Variants in PGRMC2 observed in about 807,000 individuals in gnomAD.
PGRMC2 encodes membrane-associated progesterone receptor component 2.
PGRMC2 carries 9 observed loss-of-function variants against 19.3 expected under a neutral mutation model. That is an observed-to-expected ratio of 0.47 (90% CI 0.28 to 0.81). PGRMC2 has a LOEUF of 0.81. Ranked by LOEUF, PGRMC2 falls within the 40% of genes least tolerant of loss-of-function variation. PGRMC2 has a pLI of 0.11. For missense variants in PGRMC2, 289 were observed against 297.3 expected (o/e 0.97, Z 0.21); for synonymous variants, 157 against 124.6 (o/e 1.26, Z -1.73).
rs1039665360 is a variant in PGRMC2, at chr4:128,287,428, G to A, written c.363C>T (p.Leu121=). The change falls in exon 1 of 3, where the codon CTC becomes CTT. Residue 121 remains leucine, a synonymous_variant. Coordinates refer to ENST00000296425, the MANE Select transcript of PGRMC2 (RefSeq NM_006320.6). ...YDGSRNPRIL[L]AVNGKVFDVT... ...CGTCGAAGACTTTCCCATTGACCGC[G>A]AGCAGGATGCGCGGGTTGCGGGAGC... 6 of 1,612,896 alleles carry A rather than the reference G, an allele frequency of 3.7e-6. No homozygotes were observed. The highest frequency in any genetic ancestry group is 5.1e-6 in the Non-Finnish European group (6 of 1,179,244).
chr4:128,286,321 T>C (rs1760983264), intron 1 of PGRMC2, among the ~76,000 whole-genome samples: 1 of 152,072 alleles, frequency 6.6e-6, no homozygotes, highest in Admixed American at 6.5e-5. Flanking sequence ...CTCAACTGTA[T>C]GATATACCAA....
intron 1 of PGRMC2, among the ~76,000 whole-genome samples, chr4:128,279,428 G>T (rs1385344724): frequency 6.6e-6 from 1 of 152,122 alleles, no homozygotes; most frequent in African/African-American, 2.4e-5. Flanking sequence ...TGAGAAACAG[G>T]CATTTTCATC....
At chr4:128,275,725 AT>A (rs1227607808) in intron 1 of PGRMC2, among the ~76,000 whole-genome samples, 1 of 151,950 alleles carries the variant, frequency 6.6e-6, no homozygotes, top group Non-Finnish European at 1.5e-5. Flanking sequence ...CATTAAAAAA[AT>A]TTTTTTTGTT....
intron 1 of PGRMC2, chr4:128,286,660 T>C (rs1760987462): frequency 5.0e-6 from 2 of 398,396 alleles, no homozygotes; most frequent in Admixed American, 4.4e-5. Context: ...TCAAGGTGAA[T>C]ATCCTTACCA....
chr4:128,286,574 T>G (rs1056587664), intron 1 of PGRMC2: 7 of 398,068 alleles, frequency 1.8e-5, no homozygotes, highest in Non-Finnish European at 3.1e-5. Context: ...TATCAACGTG[T>G]ACTTGAAAAG....
chr4:128,279,865 T>C (rs1760877806), intron 1 of PGRMC2, among the ~76,000 whole-genome samples: 1 of 152,184 alleles, frequency 6.6e-6, no homozygotes, highest in South Asian at 2.1e-4. Context: ...GCTTTGCTGC[T>C]ATGGAAGGGA....
At chr4:128,275,078 A>G (rs1760787963) in intron 1 of PGRMC2, among the ~76,000 whole-genome samples, 1 of 152,210 alleles carries the variant, frequency 6.6e-6, no homozygotes, top group Non-Finnish European at 1.5e-5. Context: ...GACCATGAAA[A>G]CTGGAGCATT....
rs1394382965 is a variant in PGRMC2, at chr4:128,269,548, C to T, written c.*1768G>A. On this transcript the variant is annotated 3_prime_UTR_variant, in exon 3 of 3. Coordinates refer to ENST00000296425, the MANE Select transcript of PGRMC2 (RefSeq NM_006320.6). Reference sequence around the variant, plus strand: ...TGAAGATAACTTTCTACAAAACACTCCAAGACTGAATAGAATGTAGTATTT... The same window carrying T: ...TGAAGATAACTTTCTACAAAACACTTCAAGACTGAATAGAATGTAGTATTT... The T allele has an allele frequency of 7.0e-6, 1 of 142,614 alleles. No homozygotes were observed. The highest frequency in any genetic ancestry group is 1.5e-5 in the Non-Finnish European group (1 of 67,890). The allele number at this position is 142,614 out of a possible 1,614,324, so 8.8% of individuals were successfully genotyped here. A position where few individuals can be genotyped will look rare whatever the true frequency, so the allele number is the denominator to read the frequency against.
intron 1 of PGRMC2, among the ~76,000 whole-genome samples, chr4:128,284,331 C>T (rs1208532193): frequency 6.6e-6 from 1 of 152,178 alleles, no homozygotes; most frequent in African/African-American, 2.4e-5. Flanking sequence ...GACTCCCCAC[C>T]TGTAGAGCAG....
Position 128,286,925 on chromosome 4 carries a change from G to A in PGRMC2, c.418+448C>T, listed in dbSNP as rs999079069. 11 of 389,274 alleles carry A rather than the reference G, an allele frequency of 2.8e-5. No homozygotes were observed. The Admixed American group carries it at 4.5e-4, about 16-fold the overall frequency. The allele number at this position is 389,274 out of a possible 1,614,324, so 24.1% of individuals were successfully genotyped here. On this transcript the variant is annotated intron_variant, in intron 1 of 2. Transcript: ENST00000296425. The stretch of plus-strand genomic sequence containing the variant: ...AAGGAAAAGAAAACGGTGAATTACA[G>A]AGCCCAAAACTTTAGTTTAGGTCCC...
chr4:128,280,621 T>C (rs1398140038), intron 1 of PGRMC2, among the ~76,000 whole-genome samples: 1 of 152,138 alleles, frequency 6.6e-6, no homozygotes, highest in Non-Finnish European at 1.5e-5. Flanking sequence ...TTACATTTTT[T>C]TTTGAGACAG....
chr4:128,284,601 T>C lies in PGRMC2; in HGVS notation c.418+2772A>G, dbSNP rs547756770. On this transcript the variant is annotated intron_variant, in intron 1 of 2. Coordinates refer to ENST00000296425, the MANE Select transcript of PGRMC2 (RefSeq NM_006320.6). ...AATATTTAATTAAGAGCCTGAACTTTAAAAATGTATGACTAAAAATAAACA... is the reference window on the plus strand; with the variant it reads ...AATATTTAATTAAGAGCCTGAACTTCAAAAATGTATGACTAAAAATAAACA... Among the ~76,000 whole-genome samples, 16 of 151,956 alleles carry C rather than the reference T, an allele frequency of 1.1e-4. No homozygotes were observed. The Middle Eastern group carries it at 0.014, about 129-fold the overall frequency.
intron 1 of PGRMC2, among the ~76,000 whole-genome samples, chr4:128,278,178 A>G (rs927305874): frequency 3.3e-5 from 5 of 152,224 alleles, no homozygotes; most frequent in Non-Finnish European, 7.3e-5. Context: ...TGAAAATTCC[A>G]AGGTGAAAAA....
intron 1 of PGRMC2, among the ~76,000 whole-genome samples, chr4:128,287,135 C>G (rs1760995535): frequency 6.6e-6 from 1 of 151,352 alleles, no homozygotes; most frequent in South Asian, 2.1e-4. Context: ...GAGAGCTGGT[C>G]TCTGGGGCGC....
rs1184129006 is a variant in PGRMC2 at position 128,269,780 on chromosome 4, TAATAA to T, written c.*1531_*1535del. On this transcript the variant is annotated 3_prime_UTR_variant, in exon 3 of 3. Transcript: ENST00000296425. Reference sequence around the variant, plus strand: ...GCTTTTAGTAAGGGCTTTTTCAACCTAATAAAATAATAATTTAGTATCTATCAGTG... The same window carrying T: ...GCTTTTAGTAAGGGCTTTTTCAACCTAATAATAATTTAGTATCTATCAGTG... 1 of 152,216 alleles carries T rather than the reference TAATAA, an allele frequency of 6.6e-6. No homozygotes were observed. Among genetic ancestry groups the T allele is most frequent in the African/African-American group, 2.4e-5 (1 of 41,466 alleles). The allele number at this position is 152,216 out of a possible 1,614,324, so 9.4% of individuals were successfully genotyped here. A position where few individuals can be genotyped will look rare whatever the true frequency, so the allele number is the denominator to read the frequency against.
chr4:128,272,548 AC>A (rs769116761), intron 1 of PGRMC2, 31 bp from the exon 2 acceptor site: 10 of 1,258,484 alleles, frequency 7.9e-6, no homozygotes, highest in Non-Finnish European at 1.0e-5. Flanking sequence ...TATTTAGATC[AC>A]CTAACAATAT....
rs759133478 is a variant in PGRMC2 at position 128,287,656 on chromosome 4, C to T, written c.135G>A (p.Leu45=). The stretch of plus-strand genomic sequence containing the variant: ...TTTCCCCGCCCCCCGTCAGAAGCGC[C>T]AACGCCGCCGCCGCCCAGCCTCCCC... ...AEGGGWAAAA[L]ALLTGGGEML... Residue 45 remains leucine, a synonymous_variant, in exon 1 of 3, where the codon TTG becomes TTA. Transcript: ENST00000296425. 4 of 1,536,474 alleles carry T rather than the reference C, an allele frequency of 2.6e-6. No homozygotes were observed. The East Asian group carries it at 9.8e-5, about 38-fold the overall frequency.
At chr4:128,287,217 G>A in intron 1 of PGRMC2, 156 bp downstream of exon 1, 1 of 737,562 alleles carries the variant, frequency 1.4e-6, no homozygotes, top group Non-Finnish European at 2.2e-6. Context: ...TGTGTGTAGG[G>A]GCGGGATGGG....
At position 128,287,449 on chromosome 4, in the gene PGRMC2, G is replaced by C. The variant is rs568795150; in HGVS notation, c.342C>G (p.Ser114=). The change falls in exon 1 of 3, where the codon TCC becomes TCG. Residue 114 remains serine (S), a synonymous_variant. Transcript: ENST00000296425. ...SLEQLRQYDG[S]RNPRILLAVN... Reference sequence around the variant, plus strand: ...CCGCGAGCAGGATGCGCGGGTTGCGGGAGCCGTCGTACTGGCGCAGCTGCT... The same window carrying C: ...CCGCGAGCAGGATGCGCGGGTTGCGCGAGCCGTCGTACTGGCGCAGCTGCT... 83 of 1,613,456 alleles carry C rather than the reference G, an allele frequency of 5.1e-5. No homozygotes were observed. In the South Asian group the frequency reaches 8.9e-4, roughly 17 times the overall value.
Sources: allele counts gnomAD v4.1 joint callset (sites outside exome capture counted in the v4.1 genomes callset), GRCh38; gene constraint gnomAD v4.1.1; transcripts MANE v1.5; gene names NCBI Gene and HGNC (gene_info 2026-07-23, HGNC 2026-07-21).